TIAM1: variants seen among roughly 807,000 people sequenced by gnomAD.
TIAM1 encodes the protein rho guanine nucleotide exchange factor TIAM1.
Under a neutral mutation model 163.5 loss-of-function variants are expected in TIAM1, and 65 were observed. The observed-to-expected ratio is 0.40, with a 90% CI of 0.33 to 0.49. The LOEUF (loss-of-function observed/expected upper bound fraction) is 0.49, where lower values mean the gene tolerates loss of function less well. Ranked by LOEUF, TIAM1 falls within the 20% of genes least tolerant of loss-of-function variation. TIAM1 has a pLI of 0.77. For synonymous variants in TIAM1, 833 were observed against 810.1 expected (o/e 1.03, Z -0.48); for missense variants, 1,789 against 2,044.7 (o/e 0.87, Z 2.41).
chr21:31,125,344 G>C (rs1402349369), intron 26 of TIAM1, among the ~76,000 whole-genome samples: 1 of 151,914 alleles, frequency 6.6e-6, no homozygotes, highest in Non-Finnish European at 1.5e-5. Context: ...ATCCGTGTAG[G>C]CAGGGCTACT....
chr21:31,271,424 G>C (rs1395090875), intron 3 of TIAM1, among the ~76,000 whole-genome samples: 1 of 152,116 alleles, frequency 6.6e-6, no homozygotes, highest in Non-Finnish European at 1.5e-5. Flanking sequence ...TTCCCAATCA[G>C]CTCTCTGCTC....
intron 2 of TIAM1, among the ~76,000 whole-genome samples, chr21:31,296,914 T>C (rs538853263): frequency 1.2e-4 from 19 of 152,258 alleles, no homozygotes; most frequent in East Asian, 7.7e-4. Flanking sequence ...CCGCCCGCCT[T>C]GGCCTCCCAA....
chr21:31,210,642 A>G (rs1481863484), intron 10 of TIAM1, among the ~76,000 whole-genome samples: 1 of 23,836 alleles, frequency 4.2e-5, no homozygotes, highest in South Asian at 1.5e-3. Context: ...AGAAAGAAAG[A>G]AAGAAAGAAA....
In TIAM1 at chr21:31,443,557, G is replaced by GC. The variant is rs1230688233; in HGVS notation, c.-369+20425dup. On this transcript the variant is annotated intron_variant, in intron 2 of 28. Coordinates refer to the TIAM1 transcript ENST00000286827. The stretch of plus-strand genomic sequence containing the variant: ...CTTCCTTGCAAATCTGCCTGTTGAA[G>GC]CCCTCCTTGACCATCAAGGACCAGT... Among the ~76,000 whole-genome samples the GC allele has an allele frequency of 2.0e-5, 3 of 152,108 alleles. No homozygotes were observed. In the East Asian group the frequency reaches 5.8e-4, roughly 29 times the overall value.
At chr21:31,442,308 C>T (rs2044466003) in intron 2 of TIAM1, among the ~76,000 whole-genome samples, 1 of 147,718 alleles carries the variant, frequency 6.8e-6, no homozygotes, top group Non-Finnish European at 1.5e-5. Context: ...TCTTGGCTCG[C>T]TGCAACCTCC....
At chr21:31,418,593 G>C (rs1216144207) in intron 2 of TIAM1, among the ~76,000 whole-genome samples, 1 of 152,094 alleles carries the variant, frequency 6.6e-6, no homozygotes, top group Non-Finnish European at 1.5e-5. Flanking sequence ...AGAGCTCTCT[G>C]TAGTTTTTCA....
At chr21:31,193,605 C>T (rs1169625102) in intron 13 of TIAM1, among the ~76,000 whole-genome samples, 2 of 152,154 alleles carry the variant, frequency 1.3e-5, no homozygotes, top group Non-Finnish European at 2.9e-5. Context: ...GCTGATTTTG[C>T]TTTGTGTTGA....
chr21:31,489,579 C>G (rs867039213), intron 1 of TIAM1, among the ~76,000 whole-genome samples: 37 of 151,170 alleles, frequency 2.4e-4, no homozygotes, highest in Non-Finnish European at 3.7e-4. Context: ...AGACCCCCCC[C>G]CCCTTGGCAG....
chr21:31,495,019 ATACTC>A (rs2046593701), intron 1 of TIAM1, among the ~76,000 whole-genome samples: 1 of 152,246 alleles, frequency 6.6e-6, no homozygotes, highest in Admixed American at 6.5e-5. Flanking sequence ...TGTTGCCAAA[ATACTC>A]TAAAATAGGT....
rs1194804474 is a variant in TIAM1, at chr21:31,344,259, T to G, written c.-490A>C. 6.6e-6 allele frequency: 1 copy of G among 152,316 alleles called. No individual in the cohort carries two copies. The highest frequency in any genetic ancestry group is 1.5e-5 in the Non-Finnish European group (1 of 68,036). The allele number at this position is 152,316 out of a possible 1,614,324, so 9.4% of individuals were successfully genotyped here. A position where few individuals can be genotyped will look rare whatever the true frequency, so the allele number is the denominator to read the frequency against. On this transcript the variant is annotated 5_prime_UTR_variant, in exon 1 of 28. Coordinates refer to ENST00000541036, the MANE Select transcript of TIAM1 (RefSeq NM_001353694.2). ...GCTGGCGGAGGCAGTGGGTGTAACT[T>G]GTGAAGTTTCGTGCTATGATGAATC...
At chr21:31,155,555 A>G (rs2083575283) in intron 16 of TIAM1, among the ~76,000 whole-genome samples, 1 of 151,556 alleles carries the variant, frequency 6.6e-6, no homozygotes, top group South Asian at 2.1e-4. Context: ...CCCAGGCTGG[A>G]GTGCAGTGGT....
chr21:31,533,140 G>A (rs1332190016), intron 1 of TIAM1, among the ~76,000 whole-genome samples: 1 of 152,156 alleles, frequency 6.6e-6, no homozygotes, highest in East Asian at 1.9e-4. Context: ...GGCCAACATG[G>A]TGAAACCCTG....
intron 1 of TIAM1, among the ~76,000 whole-genome samples, chr21:31,521,384 T>C (rs2047578161): frequency 6.6e-6 from 1 of 152,172 alleles, no homozygotes; most frequent in African/African-American, 2.4e-5. Context: ...CTGGGCAAAG[T>C]ACTTATCCTT....
intron 1 of TIAM1, among the ~76,000 whole-genome samples, chr21:31,503,166 G>A (rs754731292): frequency 7.9e-5 from 12 of 152,076 alleles, no homozygotes; most frequent in Middle Eastern, 3.4e-3. Flanking sequence ...AGGCTGCGGC[G>A]GGTGGGTCGT....
chr21:31,225,657 A>C, intron 7 of TIAM1, 69 bp downstream of exon 7: 1 of 261,738 alleles, frequency 3.8e-6, no homozygotes, highest in Non-Finnish European at 5.7e-6. Flanking sequence ...CCAAAACAGC[A>C]AAAAAAAAAA....
chr21:31,549,922 G>A (rs2048626121), intron 1 of TIAM1, among the ~76,000 whole-genome samples: 1 of 152,066 alleles, frequency 6.6e-6, no homozygotes, highest in South Asian at 2.1e-4. Flanking sequence ...TCAGGAGTTC[G>A]AGACCAGCCT....
chr21:31,147,017 G>A lies in TIAM1; in HGVS notation c.3367-14C>T. Reference sequence around the variant, plus strand: ...GAACAGCACTTTCTGGATTTGACGAGAAAAGGCACAGTTGGTTGTTTCCTT... The same window carrying A: ...GAACAGCACTTTCTGGATTTGACGAAAAAAGGCACAGTTGGTTGTTTCCTT... On this transcript the variant is annotated splice_polypyrimidine_tract_variant and intron_variant, in intron 19 of 27. Transcript: ENST00000541036. 1 of 1,608,874 alleles carries A rather than the reference G, an allele frequency of 6.2e-7. No homozygotes were observed. Among genetic ancestry groups the A allele is most frequent in the Non-Finnish European group, 8.5e-7 (1 of 1,175,432 alleles).
intron 8 of TIAM1, among the ~76,000 whole-genome samples, chr21:31,218,694 G>A (rs973143237): frequency 6.6e-6 from 1 of 152,090 alleles, no homozygotes. Flanking sequence ...TGGCATACAA[G>A]CAAAAAATAT....
intron 2 of TIAM1, chr21:31,452,569 T>C: frequency 1.7e-6 from 1 of 602,370 alleles, no homozygotes; most frequent in African/African-American, 1.9e-5. Context: ...TCACACAAAC[T>C]CTGTACTTCC....
Sources: allele counts gnomAD v4.1 joint callset (sites outside exome capture counted in the v4.1 genomes callset), GRCh38; gene constraint gnomAD v4.1.1; transcripts MANE v1.5; gene names NCBI Gene and HGNC (gene_info 2026-07-23, HGNC 2026-07-21).